Variants in ZNF536 observed in about 807,000 individuals in gnomAD.
ZNF536 encodes zinc finger protein 536.
In ZNF536, 13 loss-of-function variants were observed where a neutral mutation model predicts 84.5. The ratio of observed to expected loss-of-function variants is 0.15; its 90% CI spans 0.10 to 0.24. The LOEUF (loss-of-function observed/expected upper bound fraction) is 0.24. Ranked by LOEUF, ZNF536 falls within the 10% of genes least tolerant of loss-of-function variation. The pLI is 1.00. For synonymous variants in ZNF536, 811 were observed against 742.5 expected (o/e 1.09, Z -1.50); for missense variants, 1,536 against 1,747.5 (o/e 0.88, Z 2.16).
chr19:30,307,500 G>A (rs1366260170), intron 2 of ZNF536, among the ~76,000 whole-genome samples: 1 of 152,064 alleles, frequency 6.6e-6, no homozygotes, highest in African/African-American at 2.4e-5. Flanking sequence ...TCTAAGGAGA[G>A]CTCTAACAGA....
chr19:30,451,187 C>T (rs1355009717), intron 2 of ZNF536, among the ~76,000 whole-genome samples: 1 of 152,236 alleles, frequency 6.6e-6, no homozygotes, highest in Non-Finnish European at 1.5e-5. Context: ...GTCAGAGGCC[C>T]CCGTGTCTTC....
chr19:30,509,738 T>G (rs917118708), intron 2 of ZNF536, among the ~76,000 whole-genome samples: 3 of 152,220 alleles, frequency 2.0e-5, no homozygotes, highest in Non-Finnish European at 2.9e-5. Flanking sequence ...AGTACACTTT[T>G]CTTACCTACA....
chr19:30,570,467 T>C (rs772957105), intron 1 of ZNF536, among the ~76,000 whole-genome samples: 26 of 152,216 alleles, frequency 1.7e-4, no homozygotes, highest in Non-Finnish European at 2.8e-4. Context: ...GTTGTTATTG[T>C]GCACGTAGAT....
chr19:30,615,187 C>T lies in ZNF536; in HGVS notation c.169+65673C>T, dbSNP rs1015044002. Among the ~76,000 whole-genome samples the T allele has an allele frequency of 1.5e-4, 22 of 149,558 alleles. 1 individual carries two copies. The highest frequency in any genetic ancestry group is 4.5e-4 in the African/African-American group (18 of 39,908). On this transcript the variant is annotated intron_variant, in intron 1 of 1. Coordinates refer to the ZNF536 transcript ENST00000592773. Reference sequence around the variant, plus strand: ...GTCTCGATCTCCTGACCTCGTGATCCGCCCGTCTCGGCCTCCCAAAGTGCT... The same window carrying T: ...GTCTCGATCTCCTGACCTCGTGATCTGCCCGTCTCGGCCTCCCAAAGTGCT...
chr19:30,407,029 C>T (rs2050288217), intron 1 of ZNF536, among the ~76,000 whole-genome samples: 1 of 152,146 alleles, frequency 6.6e-6, no homozygotes, highest in Non-Finnish European at 1.5e-5. Flanking sequence ...TTTGCTTTTG[C>T]AGAAGTTGCT....
rs2049143731 is a variant in ZNF536 at position 30,383,735 on chromosome 19, CTTTCTTT to C, written c.-3+11180_-3+11186del. 4.4e-4 allele frequency among the ~76,000 whole-genome samples: 3 copies of C among 6,804 alleles called. 1 individual carries two copies. The highest frequency in any genetic ancestry group is 7.0e-4 in the African/African-American group (1 of 1,422). The allele number at this position is 6,804 out of a possible 152,430, so 4.5% of individuals were successfully genotyped here. On this transcript the variant is annotated intron_variant, in intron 1 of 4. Transcript: ENST00000355537. ...TCTTTCTTTCTTTCTTTCTTTCTTTCTTTCTTTCTCTTTCTTTCTTTCTCTTTCTTTC... is the reference window on the plus strand; with the variant it reads ...TCTTTCTTTCTTTCTTTCTTTCTTTCCTCTTTCTTTCTTTCTCTTTCTTTC...
chr19:30,582,818 A>G (rs2046969458), intron 1 of ZNF536, among the ~76,000 whole-genome samples: 1 of 152,262 alleles, frequency 6.6e-6, no homozygotes, highest in South Asian at 2.1e-4. Flanking sequence ...ATTTGCTACC[A>G]TGAAAACAGT....
At chr19:30,541,850 C>A (rs1424781993) in intron 3 of ZNF536, among the ~76,000 whole-genome samples, 2 of 152,192 alleles carry the variant, frequency 1.3e-5, no homozygotes, top group African/African-American at 4.8e-5. Flanking sequence ...CTGGACAAGG[C>A]ACTGTTTAGC....
At chr19:30,244,816 G>T (rs1031841368) in intron 1 of ZNF536, among the ~76,000 whole-genome samples, 1 of 152,180 alleles carries the variant, frequency 6.6e-6, no homozygotes, top group African/African-American at 2.4e-5. Context: ...GCAGCATTTG[G>T]GTTGCCTAGT....
chr19:30,580,498 G>T (rs1332056162), intron 1 of ZNF536, among the ~76,000 whole-genome samples: 1 of 152,150 alleles, frequency 6.6e-6, no homozygotes, highest in Non-Finnish European at 1.5e-5. Flanking sequence ...CAAAAGCAGG[G>T]GCTCTGTCTG....
intron 2 of ZNF536, among the ~76,000 whole-genome samples, chr19:30,529,690 T>A (rs1463340812): frequency 2.0e-5 from 3 of 152,144 alleles, no homozygotes; most frequent in East Asian, 1.9e-4. Flanking sequence ...TTGTTCCTGG[T>A]AACAGACCTT....
At chr19:30,390,642 A>C (rs2049546908) in intron 1 of ZNF536, among the ~76,000 whole-genome samples, 1 of 152,194 alleles carries the variant, frequency 6.6e-6, no homozygotes, top group East Asian at 1.9e-4. Flanking sequence ...TATGTTTCCA[A>C]ATCTATCGGA....
At chr19:30,545,061 C>G (rs182959457) in intron 3 of ZNF536, among the ~76,000 whole-genome samples, 1 of 152,214 alleles carries the variant, frequency 6.6e-6, no homozygotes, top group Admixed American at 6.5e-5. Context: ...CACTCAGGAT[C>G]CACAGAGGGC....
At chr19:30,508,189 T>G (rs2145462335) in intron 2 of ZNF536, among the ~76,000 whole-genome samples, 1 of 152,312 alleles carries the variant, frequency 6.6e-6, no homozygotes, top group East Asian at 1.9e-4. Context: ...ATTCACCGAT[T>G]GCCCATGGAA....
intron 2 of ZNF536, among the ~76,000 whole-genome samples, chr19:30,333,207 T>C (rs2047272114): frequency 6.6e-6 from 1 of 151,734 alleles, no homozygotes. Flanking sequence ...GGAAATAATA[T>C]TTGCTGAAAG....
chr19:30,252,251 C>T (rs1336312872), intron 1 of ZNF536, among the ~76,000 whole-genome samples: 1 of 152,144 alleles, frequency 6.6e-6, no homozygotes. Context: ...TGCAATACCA[C>T]CCTACTCCTG....
chr19:30,378,636 A>G (rs1030823386), intron 1 of ZNF536, among the ~76,000 whole-genome samples: 3 of 152,100 alleles, frequency 2.0e-5, no homozygotes, highest in Admixed American at 6.5e-5. Flanking sequence ...CTTAGACCCA[A>G]CTGCATCTCC....
At chr19:30,380,374 C>T (rs972997639) in intron 1 of ZNF536, among the ~76,000 whole-genome samples, 3 of 152,076 alleles carry the variant, frequency 2.0e-5, no homozygotes, top group Admixed American at 6.5e-5. Context: ...GTGTTGGAGA[C>T]GGGCCACCCT....
At chr19:30,494,269 G>T (rs1214298261) in intron 2 of ZNF536, among the ~76,000 whole-genome samples, 1 of 152,168 alleles carries the variant, frequency 6.6e-6, no homozygotes, top group East Asian at 1.9e-4. Flanking sequence ...GTTATGACTG[G>T]TTCGTTACAG....
Sources: gnomAD v4.1 joint callset for allele counts (sites outside exome capture counted in the v4.1 genomes callset) on GRCh38, gnomAD v4.1.1 for gene constraint, MANE v1.5 for transcripts, NCBI Gene and HGNC (gene_info 2026-07-23, HGNC 2026-07-21) for gene names.